Variants in KIF15 observed in about 807,000 individuals in gnomAD.
The protein encoded by KIF15 is kinesin family member 15.
A neutral mutation model predicts 190.6 loss-of-function variants in KIF15; 140 were observed. The ratio of observed to expected loss-of-function variants is 0.73; its 90% CI spans 0.64 to 0.84. The LOEUF is 0.84. Among genes scored for constraint, KIF15 ranks in the 40% least tolerant of loss-of-function variants. KIF15 has a pLI of 0.00. For missense variants in KIF15, 1,372 were observed against 1,584.4 expected (o/e 0.87, Z 2.28); for synonymous variants, 528 against 551.3 (o/e 0.96, Z 0.59).
Position 44,827,590 on chromosome 3 carries a change from A to G in KIF15, c.2856+62A>G, listed in dbSNP as rs1235121886. 6.0e-6 allele frequency: 6 copies of G among 997,122 alleles called. 1 individual carries two copies. The East Asian group carries it at 1.5e-4, about 25-fold the overall frequency. 61.8% of individuals were successfully genotyped at this position (997,122 alleles called of 1,614,324 possible). On this transcript the variant is annotated intron_variant, in intron 23 of 34. Transcript: ENST00000326047. ...TTTATAACTTTTATTCCTGATACCT[A>G]AAAGGCTTATTATAATGATTTCAGC...
rs181839106 is a variant in KIF15, at chr3:44,865,580, T to G, written c.*60-7749T>G. On this transcript the variant is annotated intron_variant and NMD_transcript_variant, in intron 6 of 6. Coordinates refer to the KIF15 transcript ENST00000422209. ...GGGCTTTCTGACAGTTCCATGCTGA[T>G]GTATCAGGCCATCTGTGTCATGCTT... 6 of 203,484 alleles carry G rather than the reference T, an allele frequency of 2.9e-5. No homozygotes were observed. In the East Asian group the frequency reaches 6.0e-4, roughly 20 times the overall value. 12.6% of individuals were successfully genotyped at this position (203,484 alleles called of 1,614,324 possible). A position where few individuals can be genotyped will look rare whatever the true frequency, so the allele number is the denominator to read the frequency against.
At chr3:44,771,424 A>G (rs1705636235) in intron 1 of KIF15, among the ~76,000 whole-genome samples, 1 of 152,150 alleles carries the variant, frequency 6.6e-6, no homozygotes, top group Non-Finnish European at 1.5e-5. Flanking sequence ...AAGAAGATTA[A>G]ACATTATTTT....
chr3:44,865,549 C>CT (rs1286939972), intron 6 of KIF15: 1 of 230,294 alleles, frequency 4.3e-6, no homozygotes, highest in African/African-American at 2.2e-5. Flanking sequence ...GAAGCAGTGA[C>CT]TGGTGGGGCT....
chr3:44,835,473 C>T (rs1181970499), intron 26 of KIF15, among the ~76,000 whole-genome samples: 1 of 151,914 alleles, frequency 6.6e-6, no homozygotes. Flanking sequence ...AACTCCTAAA[C>T]CCAAGTGATC....
intron 6 of KIF15, among the ~76,000 whole-genome samples, chr3:44,867,478 T>A (rs1352580432): frequency 4.6e-5 from 7 of 152,146 alleles, no homozygotes; most frequent in Admixed American, 3.9e-4. Context: ...TGCTGATAGC[T>A]GGTGGTCGGC....
intron 5 of KIF15, 22 bp from the exon 6 acceptor site, chr3:44,784,823 G>GTTTTTTTTTTTTT: frequency 9.1e-7 from 1 of 1,100,566 alleles, no homozygotes. Context: ...AAAATCCAGT[G>GTTTTTTTTTTTTT]TTTTTTTTTT....
In KIF15 at chr3:44,843,249, C is replaced by T. The variant is rs760289291; in HGVS notation, c.3695+15C>T. 22 of 1,548,212 alleles carry T rather than the reference C, an allele frequency of 1.4e-5. No homozygotes were observed. Among genetic ancestry groups the T allele is most frequent in the East Asian group, 6.8e-5 (3 of 44,366 alleles). On this transcript the variant is annotated intron_variant, in intron 30 of 34. Transcript: ENST00000326047. ...AAGGAAAACAGGTGAGAAAGAACCA[C>T]GAGAACTCTATGGGCTAAATCTTGG...
intron 16 of KIF15, among the ~76,000 whole-genome samples, chr3:44,809,239 C>T (rs1207047539): frequency 6.6e-6 from 1 of 152,128 alleles, no homozygotes; most frequent in African/African-American, 2.4e-5. Context: ...TTCATATGTT[C>T]ATGTCCATTT....
chr3:44,767,127 T>A (rs1209789416), intron 1 of KIF15, among the ~76,000 whole-genome samples: 1 of 151,894 alleles, frequency 6.6e-6, no homozygotes, highest in Non-Finnish European at 1.5e-5. Flanking sequence ...TTTTTTTAAA[T>A]TTCACCAGTT....
chr3:44,798,176 T>G (rs568220164), intron 10 of KIF15, among the ~76,000 whole-genome samples: 176 of 152,074 alleles, frequency 1.2e-3, no homozygotes, highest in African/African-American at 3.7e-3. Context: ...TTTTTCTTTT[T>G]TTTTGAGACA....
chr3:44,829,037 C>CA (rs34714834), intron 24 of KIF15, among the ~76,000 whole-genome samples: 1,608 of 142,440 alleles, frequency 0.011, 19 homozygotes, highest in Middle Eastern at 0.035. Context: ...AACTCTGTCT[C>CA]AAAAAAAAAA....
downstream of KIF15, among the ~76,000 whole-genome samples, chr3:44,854,645 C>A (rs1335302689): frequency 1.3e-5 from 2 of 152,178 alleles, no homozygotes; most frequent in African/African-American, 4.8e-5. Context: ...GCTGCTATAA[C>A]AAATGACTAC....
intron 16 of KIF15, among the ~76,000 whole-genome samples, chr3:44,810,426 GA>G (rs1310184185): frequency 2.0e-5 from 3 of 151,370 alleles, no homozygotes; most frequent in Admixed American, 6.6e-5. Context: ...TAATTAAAAT[GA>G]TTTTTTTTTT....
At chr3:44,778,672 C>CT (rs1280337477) in intron 4 of KIF15, among the ~76,000 whole-genome samples, 1 of 151,790 alleles carries the variant, frequency 6.6e-6, no homozygotes, top group Non-Finnish European at 1.5e-5. Context: ...ATATATATAA[C>CT]TTTTTTTTGT....
chr3:44,840,474 A>T lies in KIF15; in HGVS notation c.3420+18A>T. ...ATCCCCAGGTACTTTTCAGAAAAAG[A>T]TTATTTCAGGAGGAAGAAACAGTTT... On this transcript the variant is annotated intron_variant, in intron 28 of 34. Coordinates refer to ENST00000326047, the MANE Select transcript of KIF15 (RefSeq NM_020242.3). 1 of 1,515,564 alleles carries T rather than the reference A, an allele frequency of 6.6e-7. No individual in the cohort carries two copies. Among genetic ancestry groups the T allele is most frequent in the Non-Finnish European group, 9.1e-7 (1 of 1,101,836 alleles). 93.9% of individuals were successfully genotyped at this position (1,515,564 alleles called of 1,614,324 possible). A position where few individuals can be genotyped will look rare whatever the true frequency, so the allele number is the denominator to read the frequency against.
At chr3:44,767,484 A>C (rs2125892130) in intron 1 of KIF15, among the ~76,000 whole-genome samples, 1 of 152,358 alleles carries the variant, frequency 6.6e-6, no homozygotes, top group African/African-American at 2.4e-5. Context: ...ACGGAGATGT[A>C]GAAACACATT....
intron 26 of KIF15, 136 bp downstream of exon 26, chr3:44,831,154 C>T (rs1002763093): frequency 2.0e-5 from 19 of 973,816 alleles, no homozygotes; most frequent in East Asian, 2.7e-5. Context: ...TGCCTCAAGA[C>T]GCTTCACTAC....
intron 10 of KIF15, 33 bp from the exon 11 acceptor site, chr3:44,800,281 T>A: frequency 6.2e-7 from 1 of 1,607,370 alleles, no homozygotes; most frequent in Non-Finnish European, 8.5e-7. Flanking sequence ...CAAAAAGCAT[T>A]ATTTTAATGC....
chr3:44,812,623 C>T (rs1707840083), intron 18 of KIF15, among the ~76,000 whole-genome samples: 1 of 152,148 alleles, frequency 6.6e-6, no homozygotes, highest in South Asian at 2.1e-4. Context: ...ATCATCTTTA[C>T]TGTAGTTCAT....
Sources: allele counts gnomAD v4.1 joint callset (sites outside exome capture counted in the v4.1 genomes callset), GRCh38; gene constraint gnomAD v4.1.1; transcripts MANE v1.5; gene names NCBI Gene and HGNC (gene_info 2026-07-23, HGNC 2026-07-21).